The following CDH10 variants were observed in gnomAD, a reference collection of about 807,000 sequenced individuals.
CDH10 encodes cadherin-10.
CDH10 carries 30 observed loss-of-function variants against 73.1 expected under a neutral mutation model. That is an observed-to-expected ratio of 0.41 (90% CI 0.31 to 0.56). The LOEUF is 0.56. Among genes scored for constraint, CDH10 ranks in the 20% least tolerant of loss-of-function variants. CDH10 has a pLI of 0.27. For synonymous variants in CDH10, 345 were observed against 348.2 expected (o/e 0.99, Z 0.10); for missense variants, 815 against 973.7 (o/e 0.84, Z 2.17).
At chr5:24,548,984 A>C (rs1214923424) in intron 2 of CDH10, among the ~76,000 whole-genome samples, 2 of 152,202 alleles carry the variant, frequency 1.3e-5, no homozygotes, top group Admixed American at 1.3e-4. Flanking sequence ...AATTGAGATA[A>C]AATGAATCAA....
rs576214080 is a variant in CDH10, at chr5:24,523,948, C to A, written c.814+11164G>T. 2.0e-5 allele frequency among the ~76,000 whole-genome samples: 3 copies of A among 152,118 alleles called. No homozygotes were observed. In the East Asian group the frequency reaches 5.8e-4, roughly 30 times the overall value. On this transcript the variant is annotated intron_variant, in intron 5 of 11. Transcript: ENST00000264463. Reference sequence around the variant, plus strand: ...TCAGTTCTTTTCCACAGTAATTTGTCTGAAGAAATATAGATGGGTTGTGTG... The same window carrying A: ...TCAGTTCTTTTCCACAGTAATTTGTATGAAGAAATATAGATGGGTTGTGTG...
rs780903483 is a variant in CDH10 at position 24,488,086 on chromosome 5, T to G, written c.1944A>C (p.Glu648Asp). 1.7e-5 allele frequency: 27 copies of G among 1,613,714 alleles called. No homozygotes were observed. Among genetic ancestry groups the G allele is most frequent in the Non-Finnish European group, 2.1e-5 (25 of 1,179,750 alleles). Residue 648 changes from glutamate (E) to aspartate (D), a missense_variant, in exon 12 of 12, where the codon GAA (glutamate) becomes GAC (aspartate). By Grantham distance (45) the Glu-to-Asp change is conservative. Transcript: ENST00000264463. ...RKKEPLILSKEDIRDNIVSYN... is the reference protein window; with the variant it reads ...RKKEPLILSKDDIRDNIVSYN... The stretch of plus-strand genomic sequence containing the variant: ...AGCTCACAATGTTGTCTCTGATATC[T>G]TCTTTTGACAAGATCAGAGGCTCTT...
At chr5:24,535,343 T>G (rs1175790337) in intron 4 of CDH10, 64 bp from the exon 5 acceptor site, 17 of 1,455,596 alleles carry the variant, frequency 1.2e-5, no homozygotes, top group Non-Finnish European at 1.6e-5. Flanking sequence ...TTTTATTAAG[T>G]CCACAAAAAG....
intron 1 of CDH10, among the ~76,000 whole-genome samples, chr5:24,614,364 C>G (rs1427966113): frequency 6.6e-6 from 1 of 152,130 alleles, no homozygotes. Context: ...TAAATAGAAA[C>G]ATATCTCCAG....
At chr5:24,524,310 GT>G (rs1158448221) in intron 5 of CDH10, among the ~76,000 whole-genome samples, 1 of 151,986 alleles carries the variant, frequency 6.6e-6, no homozygotes, top group African/African-American at 2.4e-5. Flanking sequence ...ATCCTACTTT[GT>G]CAAGCAAACT....
intron 2 of CDH10, among the ~76,000 whole-genome samples, chr5:24,575,364 A>C: frequency 6.6e-6 from 1 of 150,520 alleles, no homozygotes; most frequent in Admixed American, 6.6e-5. Context: ...ACAAAAAAAA[A>C]AAAAAAAAAG....
intron 2 of CDH10, among the ~76,000 whole-genome samples, chr5:24,559,077 T>A (rs1341641618): frequency 6.6e-6 from 1 of 151,884 alleles, no homozygotes; most frequent in Non-Finnish European, 1.5e-5. Flanking sequence ...AGTAGAATAA[T>A]TCTTCTAATA....
Position 24,641,874 on chromosome 5 carries a change from T to C in CDH10, c.-124+2720A>G, listed in dbSNP as rs1002876112. Among the ~76,000 whole-genome samples the C allele has an allele frequency of 3.9e-5, 6 of 152,204 alleles. No individual in the cohort carries two copies. In the South Asian group the frequency reaches 6.2e-4, roughly 16 times the overall value. ...TGTTGGGTTAATTGAAAGTAGAGTT[T>C]TCAAACATAGACCTGAAATTTAGAG... On this transcript the variant is annotated intron_variant, in intron 1 of 11. Transcript: ENST00000264463.
chr5:24,534,024 C>T (rs965267299), intron 5 of CDH10, among the ~76,000 whole-genome samples: 6 of 151,898 alleles, frequency 4.0e-5, no homozygotes, highest in Non-Finnish European at 8.8e-5. Context: ...TTGAATCATG[C>T]ACTATTAATA....
intron 5 of CDH10, among the ~76,000 whole-genome samples, chr5:24,521,426 C>G (rs546699274): frequency 6.6e-6 from 1 of 152,128 alleles, no homozygotes; most frequent in South Asian, 2.1e-4. Context: ...TGCTTGCATG[C>G]CTGACTAACA....
At chr5:24,617,325 T>A (rs1747160907) in intron 1 of CDH10, among the ~76,000 whole-genome samples, 1 of 152,096 alleles carries the variant, frequency 6.6e-6, no homozygotes, top group Non-Finnish European at 1.5e-5. Context: ...TTACCCCAAA[T>A]GGAGAACCAC....
At chr5:24,546,469 G>A (rs964485299) in intron 2 of CDH10, among the ~76,000 whole-genome samples, 7 of 152,072 alleles carry the variant, frequency 4.6e-5, no homozygotes, top group South Asian at 2.1e-4. Context: ...TGTGATTTGC[G>A]TCCTCCCTCA....
intron 1 of CDH10, among the ~76,000 whole-genome samples, chr5:24,604,849 G>C (rs1579463341): frequency 7.1e-6 from 1 of 140,742 alleles, no homozygotes; most frequent in Non-Finnish European, 1.5e-5. Context: ...GTCAAACCTG[G>C]GGAACAAGAG....
chr5:24,568,609 T>C (rs1745249874), intron 2 of CDH10, among the ~76,000 whole-genome samples: 2 of 152,146 alleles, frequency 1.3e-5, no homozygotes, highest in Non-Finnish European at 2.9e-5. Context: ...GTAATTCACA[T>C]AGAATTACCA....
At chr5:24,572,817 G>T (rs577880262) in intron 2 of CDH10, among the ~76,000 whole-genome samples, 1 of 150,368 alleles carries the variant, frequency 6.7e-6, no homozygotes, top group East Asian at 2.0e-4. Context: ...CATAGACAGA[G>T]AATTCCTCAT....
At chr5:24,613,038 T>C (rs1299491256) in intron 1 of CDH10, 2 of 152,104 alleles carry the variant, frequency 1.3e-5, no homozygotes, top group East Asian at 1.9e-4. Flanking sequence ...TTGAGTGTCA[T>C]TGTCATTATC....
chr5:24,528,822 G>A (rs73067137), intron 5 of CDH10, among the ~76,000 whole-genome samples: 1 of 151,954 alleles, frequency 6.6e-6, no homozygotes, highest in African/African-American at 2.4e-5. Flanking sequence ...TATCTTTCTA[G>A]GTGTAGTGCT....
At chr5:24,608,262 T>C (rs1746827022) in intron 1 of CDH10, among the ~76,000 whole-genome samples, 1 of 152,094 alleles carries the variant, frequency 6.6e-6, no homozygotes, top group South Asian at 2.1e-4. Flanking sequence ...TGTTGTTTCT[T>C]AGTGGCTTAA....
At chr5:24,541,313 T>C (rs946628323) in intron 2 of CDH10, among the ~76,000 whole-genome samples, 5 of 152,038 alleles carry the variant, frequency 3.3e-5, no homozygotes, top group Non-Finnish European at 7.4e-5. Flanking sequence ...TTATTCTGCA[T>C]AATTTTTCAA....
Sources: allele counts gnomAD v4.1 joint callset (sites outside exome capture counted in the v4.1 genomes callset), GRCh38; gene constraint gnomAD v4.1.1; transcripts MANE v1.5; gene names NCBI Gene and HGNC (gene_info 2026-07-23, HGNC 2026-07-21).